The following ZMYM6 variants were observed in gnomAD, a reference collection of about 807,000 sequenced individuals.
ZMYM6 encodes the protein zinc finger MYM-type containing 6.
ZMYM6 carries 90 observed loss-of-function variants against 134.0 expected under a neutral mutation model. The ratio of observed to expected loss-of-function variants is 0.67; its 90% CI spans 0.57 to 0.80. The LOEUF (loss-of-function observed/expected upper bound fraction) is 0.80. Ranked by LOEUF, ZMYM6 falls within the 30% of genes least tolerant of loss-of-function variation. The pLI, the probability that ZMYM6 is intolerant of heterozygous loss-of-function variation, is 0.00. For synonymous variants in ZMYM6, 481 were observed against 524.1 expected (o/e 0.92, Z 1.12); for missense variants, 1,362 against 1,533.9 (o/e 0.89, Z 1.87).
chr1:35,030,627 A>G lies in ZMYM6; in HGVS notation c.13T>C (p.Leu5=). The G allele has an allele frequency of 6.2e-7, 1 of 1,612,262 alleles. No individual in the cohort carries two copies. Among genetic ancestry groups the G allele is most frequent in the Non-Finnish European group, 8.5e-7 (1 of 1,179,732 alleles). ...ACTGCTTTGCCACATTCACCATCCAAAGGTTCTTTCATTCTAATTTTTTAC... is the reference window on the plus strand; with the variant it reads ...ACTGCTTTGCCACATTCACCATCCAGAGGTTCTTTCATTCTAATTTTTTAC... MKEP[L]DGECGKAVVP... is the part of the protein sequence containing the mutation. Residue 5 remains leucine, a synonymous_variant, in exon 2 of 16, where the codon TTG becomes CTG. Coordinates refer to ENST00000357182, the MANE Select transcript of ZMYM6 (RefSeq NM_007167.4).
Position 35,008,806 on chromosome 1 carries a change from T to C in ZMYM6, c.1611A>G (p.Leu537=). 1 of 1,614,160 alleles carries C rather than the reference T, an allele frequency of 6.2e-7. No homozygotes were observed. The highest frequency in any genetic ancestry group is 8.5e-7 in the Non-Finnish European group (1 of 1,180,014). The change falls in exon 11 of 16, where the codon TTA becomes TTG. Residue 537 remains leucine (L), a synonymous_variant. Coordinates refer to ENST00000357182, the MANE Select transcript of ZMYM6 (RefSeq NM_007167.4). ...TACAATCTTCACAACAAAACTCTTC[T>C]AACTTGCCCTCCAATCGATTTTCTA... ...NLVENRLEGK[L]EEFCCEDCMS...
At chr1:34,994,648 TA>T (rs1640743463) in intron 14 of ZMYM6, among the ~76,000 whole-genome samples, 1 of 152,154 alleles carries the variant, frequency 6.6e-6, no homozygotes, top group Non-Finnish European at 1.5e-5. Flanking sequence ...AAATTTAATT[TA>T]AACAAAAGTA....
intron 15 of ZMYM6, 142 bp downstream of exon 15, chr1:34,992,092 A>G (rs1258762873): frequency 2.0e-6 from 2 of 1,022,746 alleles, no homozygotes; most frequent in East Asian, 5.2e-5. Flanking sequence ...CAATAAATTA[A>G]GTATTCAAAG....
At chr1:35,024,098 G>A (rs1041778156) in intron 2 of ZMYM6, among the ~76,000 whole-genome samples, 3 of 152,006 alleles carry the variant, frequency 2.0e-5, no homozygotes, top group Admixed American at 6.6e-5. Context: ...ATTGCACCAG[G>A]TAAAAACAAG....
In ZMYM6 at chr1:35,020,388, G is replaced by A. The variant is rs1641283844; in HGVS notation, c.173C>T (p.Pro58Leu). Residue 58 changes from proline to leucine, a missense_variant, in exon 3 of 16, where the codon CCT becomes CTT. Physicochemically the swap from Pro to Leu is moderately conservative, Grantham distance 98. This residue lies in a region of ZMYM6 where 503 missense variants were observed against 520.8 expected (regional missense o/e 0.97). Coordinates refer to ENST00000357182, the MANE Select transcript of ZMYM6 (RefSeq NM_007167.4). ...TATACAGTTCCATTTCTTACCAATA[G>A]GTCTCTCATTAACTGAAGACACACC... ...IGGVSSVNER[P>L]IAQQLNPGFQ... 6.2e-7 allele frequency: 1 copy of A among 1,603,352 alleles called. No individual in the cohort carries two copies. The highest frequency in any genetic ancestry group is 8.5e-7 in the Non-Finnish European group (1 of 1,176,684).
chr1:35,003,909 C>A, intron 14 of ZMYM6, 59 bp downstream of exon 14: 1 of 1,467,594 alleles, frequency 6.8e-7, no homozygotes, highest in Non-Finnish European at 9.5e-7. Context: ...AATGCCATAT[C>A]CAAAGTGAAA....
rs777232785 is a variant in ZMYM6 at position 34,987,612 on chromosome 1, C to A, written c.3470G>T (p.Arg1157Leu). 1.9e-6 allele frequency: 3 copies of A among 1,607,156 alleles called. No homozygotes were observed. The highest frequency in any genetic ancestry group is 2.6e-6 in the Non-Finnish European group (3 of 1,176,250). Reference sequence around the variant, plus strand: ...CATGTCATAATCATTCTCTTGTGTGCGCTTCAACCACATTTTTAACTTTCT... The same window carrying A: ...CATGTCATAATCATTCTCTTGTGTGAGCTTCAACCACATTTTTAACTTTCT... ...FKRKLKMWLKRTQENDYDMFP... is the reference protein window; with the variant it reads ...FKRKLKMWLKLTQENDYDMFP... Residue 1157 changes from arginine (R) to leucine (L), a missense_variant, in exon 16 of 16, where the codon CGC (arginine) becomes CTC (leucine). Physicochemically the swap from Arg to Leu is moderately radical, Grantham distance 102. Transcript: ENST00000357182.
intron 4 of ZMYM6, chr1:35,018,195 T>C (rs1641238938): frequency 6.6e-6 from 1 of 151,998 alleles, no homozygotes; most frequent in Non-Finnish European, 1.5e-5. Context: ...AATACAAAAA[T>C]TAGTCGGGCA....
At chr1:34,992,736 T>G (rs1432413204) in intron 14 of ZMYM6, among the ~76,000 whole-genome samples, 1 of 140,252 alleles carries the variant, frequency 7.1e-6, no homozygotes, top group African/African-American at 2.8e-5. Flanking sequence ...AATATACTTA[T>G]AAACTATAAA....
intron 8 of ZMYM6, 43 bp downstream of exon 8, chr1:35,011,847 G>GCCTA: frequency 1.5e-6 from 2 of 1,340,090 alleles, no homozygotes; most frequent in Non-Finnish European, 2.0e-6. Flanking sequence ...ACAGATCGAT[G>GCCTA]CCTAACAGAA....
At chr1:35,023,801 T>G (rs777036215) in intron 2 of ZMYM6, among the ~76,000 whole-genome samples, 1 of 151,854 alleles carries the variant, frequency 6.6e-6, no homozygotes, top group Non-Finnish European at 1.5e-5. Context: ...TTTTTGTATT[T>G]TTAGTAGAGA....
intron 15 of ZMYM6, chr1:34,989,151 A>G (rs531916520): frequency 7.5e-7 from 1 of 1,333,296 alleles, no homozygotes; most frequent in African/African-American, 1.5e-5. Context: ...AGGTATAATA[A>G]AACTGTAGGA....
At chr1:35,010,410 A>G in intron 10 of ZMYM6, 37 bp downstream of exon 10, 1 of 1,579,154 alleles carries the variant, frequency 6.3e-7, no homozygotes, top group African/African-American at 1.4e-5. Flanking sequence ...GAATTATAAC[A>G]ACCCATGCTC....
At chr1:35,019,198 C>T (rs1569786555) in intron 4 of ZMYM6, 155 bp downstream of exon 4, 12 of 1,149,950 alleles carry the variant, frequency 1.0e-5, no homozygotes, top group African/African-American at 1.6e-5. Flanking sequence ...TTTAATGTTG[C>T]AAAACTTTAA....
chr1:35,020,671 C>T (rs945463965), intron 2 of ZMYM6, among the ~76,000 whole-genome samples: 16 of 147,702 alleles, frequency 1.1e-4, no homozygotes, highest in Non-Finnish European at 1.6e-4. Flanking sequence ...CTCCCAGGTT[C>T]AAGCGATTCT....
chr1:35,005,155 C>T lies in ZMYM6; in HGVS notation c.1931G>A (p.Gly644Glu), dbSNP rs777841948. Residue 644 changes from glycine (G) to glutamate (E), a missense_variant, in exon 13 of 16, where the codon GGG (glycine) becomes GAG (glutamate). Physicochemically the swap from Gly to Glu is moderately conservative, Grantham distance 98. Transcript: ENST00000357182. Reference sequence around the variant, plus strand: ...ACCTTTTAAAACACTGTTAGTGTTCCCTGTAGATAAGGTAGCAGGTATTTT... The same window carrying T: ...ACCTTTTAAAACACTGTTAGTGTTCTCTGTAGATAAGGTAGCAGGTATTTT... ...LAKIPATLST[G>E]NTNSVLKGAV... The T allele has an allele frequency of 3.7e-6, 6 of 1,613,952 alleles. No homozygotes were observed. The highest frequency in any genetic ancestry group is 5.1e-6 in the Non-Finnish European group (6 of 1,179,974).
chr1:34,988,425 C>T lies in ZMYM6; in HGVS notation c.2657G>A (p.Arg886Lys). 1 of 1,551,586 alleles carries T rather than the reference C, an allele frequency of 6.4e-7. No homozygotes were observed. The highest frequency in any genetic ancestry group is 8.7e-7 in the Non-Finnish European group (1 of 1,146,956). ...AATGTCTGCAGATAGTTCATCAATCCTGTGTTGAATTGTAACATTAGAAAG... is the reference window on the plus strand; with the variant it reads ...AATGTCTGCAGATAGTTCATCAATCTTGTGTTGAATTGTAACATTAGAAAG... ...IPLSNVTIQH[R>K]IDELSADIED... Residue 886 changes from arginine (R) to lysine (K), a missense_variant, in exon 16 of 16, where the codon AGG becomes AAG. Arg to Lys is a conservative substitution (Grantham distance 26). Transcript: ENST00000357182.
At chr1:34,992,538 TACAC>T in intron 14 of ZMYM6, 151 bp from the exon 15 acceptor site, 1 of 665,568 alleles carries the variant, frequency 1.5e-6, no homozygotes, top group South Asian at 2.4e-5. Context: ...CCTTGGAAAA[TACAC>T]ACAGATTCCT....
At chr1:35,025,466 C>CAAAAAAAAAAAAAAAAA (rs1161814959) in intron 2 of ZMYM6, among the ~76,000 whole-genome samples, 15 of 54,966 alleles carry the variant, frequency 2.7e-4, no homozygotes, top group Admixed American at 4.8e-4. Context: ...GACTCCATCC[C>CAAAAAAAAAAAAAAAAA]AAAAAAAAAA....
Sources: gnomAD v4.1 joint callset for allele counts (sites outside exome capture counted in the v4.1 genomes callset) on GRCh38, gnomAD v4.1.1 for gene constraint, gnomAD v4.1.1 regional missense constraint, MANE v1.5 for transcripts, NCBI Gene and HGNC (gene_info 2026-07-23, HGNC 2026-07-21) for gene names.